The following RC3H1 variants were observed in gnomAD, a reference collection of about 807,000 sequenced individuals.
RC3H1 encodes ring finger and CCCH-type domains 1.
RC3H1 carries 50 observed loss-of-function variants against 138.2 expected under a neutral mutation model. The observed-to-expected ratio is 0.36, with a 90% confidence interval of 0.29 to 0.46. The LOEUF (loss-of-function observed/expected upper bound fraction) is 0.46, where lower values mean the gene tolerates loss of function less well. Among genes scored for constraint, RC3H1 ranks in the 20% least tolerant of loss-of-function variants. RC3H1 has a pLI of 1.00. For missense variants in RC3H1, 1,031 were observed against 1,388.1 expected (o/e 0.74, Z 4.09); for synonymous variants, 462 against 489.1 (o/e 0.94, Z 0.73).
At chr1:173,991,449 T>C (rs1661284175) in intron 2 of RC3H1, among the ~76,000 whole-genome samples, 1 of 152,234 alleles carries the variant, frequency 6.6e-6, no homozygotes, top group Non-Finnish European at 1.5e-5. Flanking sequence ...CTTATCTGAA[T>C]GTCACCGGTT....
At chr1:173,980,511 T>G (rs925735967) in intron 6 of RC3H1, among the ~76,000 whole-genome samples, 12 of 152,108 alleles carry the variant, frequency 7.9e-5, no homozygotes, top group African/African-American at 2.9e-4. Context: ...TTTAGGTTAC[T>G]CTTACTATTT....
intron 3 of RC3H1, 55 bp from the exon 4 acceptor site, chr1:173,983,712 G>A (rs1384205889): frequency 2.5e-6 from 4 of 1,583,058 alleles, no homozygotes; most frequent in Non-Finnish European, 3.4e-6. Context: ...TTACAGTCCA[G>A]GAGCAATTCT....
chr1:173,994,477 A>G (rs1661413767), intron 1 of RC3H1, among the ~76,000 whole-genome samples: 1 of 152,200 alleles, frequency 6.6e-6, no homozygotes, highest in African/African-American at 2.4e-5. Context: ...TTTCCTCTGT[A>G]TTTATACCAC....
intron 19 of RC3H1, among the ~76,000 whole-genome samples, chr1:173,939,817 G>A (rs982219946): frequency 1.3e-5 from 2 of 151,392 alleles, no homozygotes; most frequent in Non-Finnish European, 3.0e-5. Context: ...CCTGGGTGAC[G>A]GAGTGAGACT....
intron 14 of RC3H1, among the ~76,000 whole-genome samples, chr1:173,951,099 T>C (rs1041669107): frequency 6.7e-6 from 1 of 150,236 alleles, no homozygotes; most frequent in Non-Finnish European, 1.5e-5. Context: ...CCGAGGCGGG[T>C]GGATCACTTG....
At chr1:173,957,121 AAT>A (rs1659683717) in intron 13 of RC3H1, among the ~76,000 whole-genome samples, 3 of 152,138 alleles carry the variant, frequency 2.0e-5, no homozygotes. Context: ...CTGAGGTTTA[AAT>A]ATATGTCTTT....
chr1:174,009,870 C>A (rs1661718751), intron 1 of RC3H1, among the ~76,000 whole-genome samples: 1 of 152,124 alleles, frequency 6.6e-6, no homozygotes, highest in Non-Finnish European at 1.5e-5. Context: ...CTATCTTTAA[C>A]TATTTTTGAG....
chr1:173,961,697 C>G (rs1391766288), intron 12 of RC3H1, 28 bp downstream of exon 12: 1 of 1,583,278 alleles, frequency 6.3e-7, no homozygotes, highest in East Asian at 2.2e-5. Flanking sequence ...CAAATTAAGT[C>G]TATGTAATAA....
At chr1:173,996,176 C>T (rs183701817) in intron 1 of RC3H1, among the ~76,000 whole-genome samples, 7 of 152,232 alleles carry the variant, frequency 4.6e-5, no homozygotes, top group Admixed American at 4.6e-4. Flanking sequence ...ACTGCTTGAA[C>T]CCGGGAGGGG....
chr1:173,933,193 G>A lies in RC3H1; in HGVS notation c.*5528C>T, dbSNP rs367592880. 5 of 151,846 alleles carry A rather than the reference G, an allele frequency of 3.3e-5. No individual in the cohort carries two copies. The highest frequency in any genetic ancestry group is 6.6e-5 in the Admixed American group (1 of 15,246). 9.4% of individuals were successfully genotyped at this position (151,846 alleles called of 1,614,324 possible). A position where few individuals can be genotyped will look rare whatever the true frequency, so the allele number is the denominator to read the frequency against. On this transcript the variant is annotated 3_prime_UTR_variant, in exon 20 of 20. Coordinates refer to ENST00000367696, the MANE Select transcript of RC3H1 (RefSeq NM_172071.4). ...TTATTTTCTTGTGAAAATAAAGTTC[G>A]TTCTCTAGGGATGTTTCAGGGATAA...
At chr1:173,946,446 T>C (rs767850387) in intron 17 of RC3H1, 30 bp downstream of exon 17, 12 of 1,588,570 alleles carry the variant, frequency 7.6e-6, no homozygotes, top group Non-Finnish European at 1.0e-5. Flanking sequence ...CCTTCAAAAA[T>C]TGGAATAAAA....
intron 14 of RC3H1, among the ~76,000 whole-genome samples, chr1:173,950,420 C>CAAAA (rs60259705): frequency 2.2e-4 from 14 of 63,652 alleles, no homozygotes; most frequent in East Asian, 1.7e-3. Flanking sequence ...TCATCTCTAC[C>CAAAA]AAAAAAAAAA....
rs772494733 is a variant in RC3H1, at chr1:173,962,044, G to A, written c.1883C>T (p.Pro628Leu). Residue 628 changes from proline to leucine, a missense_variant, in exon 12 of 20, where the codon CCA becomes CTA. Physicochemically the swap from Pro to Leu is moderately conservative, Grantham distance 98 (BLOSUM62 -3). This residue lies in a region of RC3H1 where 716 missense variants were observed against 837.9 expected (regional missense o/e 0.85). Transcript: ENST00000367696. ...AGGAGCAGGTTCAGGAGCAGATGGT[G>A]GAGGTCGGACAAAGCGGGACACACA... Reference protein sequence around the residue: ...PQCVSRFVRPPPSAPEPAPPY... With the variant: ...PQCVSRFVRPLPSAPEPAPPY... The A allele has an allele frequency of 6.2e-7, 1 of 1,614,052 alleles. No individual in the cohort carries two copies. Among genetic ancestry groups the A allele is most frequent in the Non-Finnish European group, 8.5e-7 (1 of 1,179,958 alleles).
At chr1:174,013,309 T>C (rs1460168878) in intron 1 of RC3H1, among the ~76,000 whole-genome samples, 1 of 152,062 alleles carries the variant, frequency 6.6e-6, no homozygotes, top group Admixed American at 6.6e-5. Flanking sequence ...GGGAATCATA[T>C]ATATCAGTGC....
chr1:174,001,917 T>C lies in RC3H1; in HGVS notation c.-150-8782A>G, dbSNP rs1420520326. Among the ~76,000 whole-genome samples the C allele has an allele frequency of 2.6e-5, 4 of 152,240 alleles. No individual in the cohort carries two copies. The East Asian group carries it at 7.7e-4, about 29-fold the overall frequency. Reference sequence around the variant, plus strand: ...CAAACACTAAGGATGTAATAAAAACTGGTTACTAAGATCAGGAGTATTTTT... The same window carrying C: ...CAAACACTAAGGATGTAATAAAAACCGGTTACTAAGATCAGGAGTATTTTT... On this transcript the variant is annotated intron_variant, in intron 1 of 19. Coordinates refer to ENST00000367696, the MANE Select transcript of RC3H1 (RefSeq NM_172071.4).
chr1:173,941,131 T>C (rs976211177), intron 19 of RC3H1, 134 bp downstream of exon 19: 20 of 661,648 alleles, frequency 3.0e-5, no homozygotes, highest in African/African-American at 2.9e-4. Flanking sequence ...AAAAATATTC[T>C]TTATGTACAC....
chr1:173,949,022 G>A (rs1431447826), intron 14 of RC3H1, among the ~76,000 whole-genome samples: 3 of 149,552 alleles, frequency 2.0e-5, no homozygotes, highest in Admixed American at 6.7e-5. Context: ...CCCTCATTTC[G>A]TTCCAATAAG....
chr1:174,013,995 C>T (rs1294941312), intron 1 of RC3H1, among the ~76,000 whole-genome samples: 1 of 152,166 alleles, frequency 6.6e-6, no homozygotes, highest in East Asian at 1.9e-4. Context: ...ATTCCAACCA[C>T]ATGACATTCT....
chr1:174,021,695 T>C (rs1462883717), intron 1 of RC3H1, among the ~76,000 whole-genome samples: 5 of 152,088 alleles, frequency 3.3e-5, no homozygotes. Flanking sequence ...ACAGACGCCT[T>C]CGCCCTCCCC....
Sources: allele counts gnomAD v4.1 joint callset (sites outside exome capture counted in the v4.1 genomes callset), GRCh38; gene constraint gnomAD v4.1.1; regional missense constraint gnomAD v4.1.1; transcripts MANE v1.5; gene names NCBI Gene and HGNC (gene_info 2026-07-23, HGNC 2026-07-21).